CCDC192: variants seen among roughly 807,000 people sequenced by gnomAD.
CCDC192 encodes coiled-coil domain-containing protein 192.
chr5:127,915,433 A>G (rs974628825), intron 6 of CCDC192, among the ~76,000 whole-genome samples: 79 of 152,206 alleles, frequency 5.2e-4, no homozygotes, highest in African/African-American at 1.7e-3. Flanking sequence ...CCAGGCTGGA[A>G]TGCAGTGGCG....
chr5:127,884,562 TG>T (rs987800250), intron 6 of CCDC192, among the ~76,000 whole-genome samples: 8 of 152,062 alleles, frequency 5.3e-5, no homozygotes, highest in Non-Finnish European at 1.0e-4. Flanking sequence ...AGAAGGAATT[TG>T]ATTTCCCTGC....
intron 5 of CCDC192, among the ~76,000 whole-genome samples, chr5:127,819,713 C>T (rs10057185): frequency 0.02 from 3,075 of 152,216 alleles, 112 homozygotes; most frequent in African/African-American, 0.071. Flanking sequence ...GAAATCCTTT[C>T]ATGAAGAAGT....
intron 5 of CCDC192, among the ~76,000 whole-genome samples, chr5:127,843,685 G>T (rs1322486649): frequency 6.6e-6 from 1 of 152,076 alleles, no homozygotes; most frequent in Non-Finnish European, 1.5e-5. Flanking sequence ...TGATCCGCCT[G>T]CCTGGCCCTC....
intron 5 of CCDC192, among the ~76,000 whole-genome samples, chr5:127,852,138 C>G (rs245193): frequency 0.66 from 100,599 of 152,054 alleles, 33,347 homozygotes; most frequent in Non-Finnish European, 0.69. Flanking sequence ...GCAAACACTA[C>G]TGCCTATCAC....
At chr5:127,919,511 G>A (rs1263519230) in intron 6 of CCDC192, among the ~76,000 whole-genome samples, 1 of 152,110 alleles carries the variant, frequency 6.6e-6, no homozygotes, top group East Asian at 1.9e-4. Context: ...CTCCTGTCCT[G>A]TCTCAGTTTC....
At chr5:127,915,629 C>A (rs1753499036) in intron 6 of CCDC192, among the ~76,000 whole-genome samples, 1 of 152,228 alleles carries the variant, frequency 6.6e-6, no homozygotes, top group South Asian at 2.1e-4. Context: ...GATCCACCCG[C>A]CTGGGCTTCC....
At chr5:127,751,049 GGGTCTT>G (rs1307897481) in intron 2 of CCDC192, among the ~76,000 whole-genome samples, 2 of 147,102 alleles carry the variant, frequency 1.4e-5, no homozygotes, top group African/African-American at 5.0e-5. Flanking sequence ...GCACACTGAT[GGGTCTT>G]GACTCTTTAT....
chr5:127,804,711 C>T (rs1382591190), intron 5 of CCDC192, among the ~76,000 whole-genome samples: 2 of 152,186 alleles, frequency 1.3e-5, no homozygotes, highest in South Asian at 2.1e-4. Flanking sequence ...ATTAGCATCA[C>T]CTAGGACTTT....
intron 3 of CCDC192, among the ~76,000 whole-genome samples, chr5:127,782,732 C>A (rs1756306755): frequency 6.6e-6 from 1 of 151,932 alleles, no homozygotes; most frequent in Non-Finnish European, 1.5e-5. Context: ...AACGATGTAT[C>A]AATTTTATTT....
intron 5 of CCDC192, among the ~76,000 whole-genome samples, chr5:127,865,980 C>T (rs1751593341): frequency 6.6e-6 from 1 of 151,994 alleles, no homozygotes; most frequent in Non-Finnish European, 1.5e-5. Flanking sequence ...ATATACCGTG[C>T]TCCCTGTGTT....
intron 6 of CCDC192, among the ~76,000 whole-genome samples, chr5:127,900,917 G>T: frequency 6.6e-6 from 1 of 152,178 alleles, no homozygotes; most frequent in Non-Finnish European, 1.5e-5. Flanking sequence ...TGTGCCTCAG[G>T]TCTTACTAAA....
In CCDC192 at chr5:127,767,421, AT is replaced by A. The variant is rs1755291746; in HGVS notation, c.222+13052del. Among the ~76,000 whole-genome samples, 7 of 152,220 alleles carry A rather than the reference AT, an allele frequency of 4.6e-5. No individual in the cohort carries two copies. The South Asian group carries it at 1.5e-3, about 32-fold the overall frequency. On this transcript the variant is annotated intron_variant, in intron 3 of 6. Transcript: ENST00000514853. ...ATTTATAGAAAGTAAAAAATGTGCT[AT>A]TTTTTGTACACTTGGATTTGTGGAT... is the stretch of plus-strand genomic sequence containing the variant.
At chr5:127,797,775 A>C (rs1710273) in intron 4 of CCDC192, among the ~76,000 whole-genome samples, 1 of 127,494 alleles carries the variant, frequency 7.8e-6, no homozygotes, top group Non-Finnish European at 1.6e-5. Context: ...ATATATATAT[A>C]TATTTATTTA....
At chr5:127,838,988 G>A (rs1252823495) in intron 5 of CCDC192, among the ~76,000 whole-genome samples, 6 of 152,158 alleles carry the variant, frequency 3.9e-5, no homozygotes, top group Non-Finnish European at 7.3e-5. Flanking sequence ...AGCTCCACAG[G>A]AAGCTGTTAT....
At chr5:127,792,649 G>T (rs6878186) in intron 3 of CCDC192, among the ~76,000 whole-genome samples, 117,769 of 151,360 alleles carry the variant, frequency 0.78, 45,945 homozygotes, top group East Asian at 0.9. Flanking sequence ...GAGGTTGCAA[G>T]AAGCTGAGAT....
intron 2 of CCDC192, among the ~76,000 whole-genome samples, chr5:127,752,911 A>G (rs1435141523): frequency 6.6e-6 from 1 of 152,172 alleles, no homozygotes; most frequent in Non-Finnish European, 1.5e-5. Flanking sequence ...TTTGACTAGG[A>G]AAGGGAACTC....
At chr5:127,896,147 C>T (rs1004543387) in intron 6 of CCDC192, among the ~76,000 whole-genome samples, 1 of 152,008 alleles carries the variant, frequency 6.6e-6, no homozygotes, top group Non-Finnish European at 1.5e-5. Context: ...CAGACTAATA[C>T]GTCACTTTCA....
intron 3 of CCDC192, among the ~76,000 whole-genome samples, chr5:127,763,848 C>G (rs1031405245): frequency 6.6e-6 from 1 of 152,182 alleles, no homozygotes; most frequent in Non-Finnish European, 1.5e-5. Flanking sequence ...TCTACTTCCT[C>G]TTATCGCCTT....
chr5:127,783,677 G>GT (rs1229392396), intron 3 of CCDC192, among the ~76,000 whole-genome samples: 1 of 152,080 alleles, frequency 6.6e-6, no homozygotes, highest in African/African-American at 2.4e-5. Flanking sequence ...GTTTGTTGTT[G>GT]TTGTTGTTGT....
Sources: gnomAD v4.1 joint callset for allele counts (sites outside exome capture counted in the v4.1 genomes callset) on GRCh38, gnomAD v4.1.1 for gene constraint, MANE v1.5 for transcripts, NCBI Gene and HGNC (gene_info 2026-07-23, HGNC 2026-07-21) for gene names.